GABRD: variants seen among roughly 807,000 people sequenced by gnomAD.
The protein encoded by GABRD is gamma-aminobutyric acid type A receptor subunit delta.
Under a neutral mutation model 47.3 loss-of-function variants are expected in GABRD, and 25 were observed. The ratio of observed to expected loss-of-function variants is 0.53; its 90% CI spans 0.39 to 0.74. The LOEUF is 0.74. Ranked by LOEUF, GABRD falls within the 30% of genes least tolerant of loss-of-function variation. GABRD has a pLI of 0.00. For missense variants in GABRD, 497 were observed against 643.4 expected (o/e 0.77, Z 2.46); for synonymous variants, 314 against 278.8 (o/e 1.13, Z -1.26).
chr1:2,025,497 G>T (rs1263687763), intron 3 of GABRD, 21 bp from the exon 4 acceptor site: 1 of 1,611,872 alleles, frequency 6.2e-7, no homozygotes, highest in African/African-American at 1.3e-5. Flanking sequence ...CTGACCCCCG[G>T]CCCCTGTGCC....
In GABRD at chr1:2,025,637, C is replaced by T; in HGVS notation, c.369C>T (p.Asp123=). The T allele has an allele frequency of 6.2e-7, 1 of 1,613,074 alleles. No homozygotes were observed. The highest frequency in any genetic ancestry group is 8.5e-7 in the Non-Finnish European group (1 of 1,180,024). Residue 123 remains aspartate, a synonymous_variant, in exon 4 of 9, where the codon GAC becomes GAT. Transcript: ENST00000378585. Reference sequence around the variant, plus strand: ...TCGTGGACAAGCTGTGGCTGCCCGACACCTTCATCGTGAACGCCAAGTCGG... The same window carrying T: ...TCGTGGACAAGCTGTGGCTGCCCGATACCTTCATCGTGAACGCCAAGTCGG... ...SRFVDKLWLP[D]TFIVNAKSAW...
rs749499871 is a variant in GABRD at position 2,027,622 on chromosome 1, C to A, written c.516C>A (p.Pro172=). ...VACDMDLAKY[P]MDEQECMLDL... is the part of the protein sequence containing the mutation. ...GCGACATGGACCTGGCCAAATACCC[C>A]ATGGACGAGCAGGAGTGCATGCTGG... The change falls in exon 5 of 9, where the codon CCC becomes CCA. Residue 172 remains proline, a synonymous_variant. Transcript: ENST00000378585. 1 of 1,613,912 alleles carries A rather than the reference C, an allele frequency of 6.2e-7. No homozygotes were observed.
intron 8 of GABRD, 98 bp from the exon 9 acceptor site, chr1:2,029,885 G>A (rs1659035531): frequency 6.6e-7 from 1 of 1,519,644 alleles, no homozygotes; most frequent in African/African-American, 1.4e-5. Flanking sequence ...GGAGCTGCTG[G>A]TCCAGGCGGG....
chr1:2,029,561 G>C lies in GABRD; in HGVS notation c.858G>C (p.Thr286=), dbSNP rs372178849. The change falls in exon 8 of 9, where the codon ACG becomes ACC. Residue 286 remains threonine (T), a synonymous_variant. Transcript: ENST00000378585. ...ACCTGTGCCCGGCAGGCATCACCAC[G>C]GTGCTGACGATGACCACGCTCATGG... is the stretch of plus-strand genomic sequence containing the variant. ...VPARVSLGIT[T]VLTMTTLMVS... The C allele has an allele frequency of 9.3e-6, 15 of 1,612,656 alleles. No homozygotes were observed. In the African/African-American group the frequency reaches 2.0e-4, roughly 22 times the overall value.
chr1:2,029,892 C>T (rs928172891), intron 8 of GABRD, 91 bp from the exon 9 acceptor site: 11 of 1,554,158 alleles, frequency 7.1e-6, no homozygotes, highest in Middle Eastern at 1.9e-4. Flanking sequence ...CTGGTCCAGG[C>T]GGGGCCCCCG....
At chr1:2,024,736 GAA>G in intron 1 of GABRD, 1 of 494,140 alleles carries the variant, frequency 2.0e-6, no homozygotes, top group Non-Finnish European at 3.6e-6. Flanking sequence ...AGGGCCAGTG[GAA>G]GAGGCTGAGG....
At position 2,028,377 on chromosome 1, in the gene GABRD, C is replaced by A; in HGVS notation, c.691+85C>A. 7.6e-7 allele frequency: 1 copy of A among 1,311,414 alleles called. No individual in the cohort carries two copies. The allele number at this position is 1,311,414 out of a possible 1,614,324, so 81.2% of individuals were successfully genotyped here. A position where few individuals can be genotyped will look rare whatever the true frequency, so the allele number is the denominator to read the frequency against. ...CGCCCCTTCCGCGCGCGCCCACCGC[C>A]CCTTCCGCGTGCGCCCGCCTGTGGT... On this transcript the variant is annotated intron_variant, in intron 6 of 8. Coordinates refer to ENST00000378585, the MANE Select transcript of GABRD (RefSeq NM_000815.5). This position sits in a 1 kb window ranked among gnomAD's most constrained non-coding sequence, Gnocchi z 6.4.
Position 2,024,958 on chromosome 1 carries a change from G to A in GABRD, c.85G>A (p.Gly29Ser), listed in dbSNP as rs775437460. ...CATCCCCAGAGCGATGAATGACATC[G>A]GCGACTACGTGGGCTCCAACCTGGA... The part of the protein sequence containing the change: ...LRGTRAMNDI[G>S]DYVGSNLEIS... The change falls in exon 2 of 9, where the codon GGC (glycine) becomes AGC (serine). Residue 29 changes from glycine (G) to serine (S), a missense_variant. Physicochemically the swap from Gly to Ser is moderately conservative, Grantham distance 56. Coordinates refer to ENST00000378585, the MANE Select transcript of GABRD (RefSeq NM_000815.5). 8.1e-6 allele frequency: 13 copies of A among 1,612,374 alleles called. No homozygotes were observed. Among genetic ancestry groups the A allele is most frequent in the East Asian group, 2.2e-5 (1 of 44,890 alleles).
At position 2,030,373 on chromosome 1, in the gene GABRD, C is replaced by A; in HGVS notation, c.*91C>A. On this transcript the variant is annotated 3_prime_UTR_variant, in exon 9 of 9. Transcript: ENST00000378585. Reference sequence around the variant, plus strand: ...GAGAAAGAGCCCTCGGGCTGCCTTCCCCTCTGCGTGTTTCGAAGTGGGATG... The same window carrying A: ...GAGAAAGAGCCCTCGGGCTGCCTTCACCTCTGCGTGTTTCGAAGTGGGATG... The A allele has an allele frequency of 8.4e-7, 1 of 1,191,990 alleles. No homozygotes were observed. The highest frequency in any genetic ancestry group is 1.1e-6 in the Non-Finnish European group (1 of 880,148). 73.8% of individuals were successfully genotyped at this position (1,191,990 alleles called of 1,614,324 possible).
chr1:2,029,803 G>T lies in GABRD; in HGVS notation c.1059+41G>T, dbSNP rs775080616. On this transcript the variant is annotated intron_variant, in intron 8 of 8. Transcript: ENST00000378585. ...CGAGCCAGGGACAGCACTGCTGGGG[G>T]CCCCAACCAGGACCCTTCAGCTGCC... The T allele has an allele frequency of 1.9e-6, 3 of 1,576,174 alleles. No individual in the cohort carries two copies. The Admixed American group carries it at 5.0e-5, about 26-fold the overall frequency.
At chr1:2,029,055 C>T (rs1659009725) in intron 6 of GABRD, 56 bp from the exon 7 acceptor site, 2 of 1,533,716 alleles carry the variant, frequency 1.3e-6, no homozygotes, top group Non-Finnish European at 1.7e-6. Flanking sequence ...CCCTGAGTCC[C>T]ATGGTTGGGC....
intron 4 of GABRD, chr1:2,027,086 C>T (rs1197604327): frequency 5.0e-5 from 11 of 220,174 alleles, no homozygotes; most frequent in Non-Finnish European, 1.0e-4. Context: ...ACCTCAAGCC[C>T]CGGGGGGTTG....
intron 1 of GABRD, among the ~76,000 whole-genome samples, chr1:2,021,599 C>G (rs964387713): frequency 5.3e-5 from 8 of 152,172 alleles, no homozygotes; most frequent in African/African-American, 1.9e-4. Flanking sequence ...TGGGTCGGCC[C>G]GGAGTGTGAA....
In GABRD at chr1:2,019,394, C is replaced by T. The variant is rs1465354573; in HGVS notation, c.-30C>T. 2 of 1,047,222 alleles carry T rather than the reference C, an allele frequency of 1.9e-6. No homozygotes were observed. Among genetic ancestry groups the T allele is most frequent in the Non-Finnish European group, 2.3e-6 (2 of 871,660 alleles). 64.9% of individuals were successfully genotyped at this position (1,047,222 alleles called of 1,614,324 possible). On this transcript the variant is annotated 5_prime_UTR_variant, in exon 1 of 9. Coordinates refer to ENST00000378585, the MANE Select transcript of GABRD (RefSeq NM_000815.5). ...GTGCGGCCGCCGGGAGCCAAGTTTG[C>T]GCGGACCCCGTCCCGAGCCCGCCGC...
chr1:2,029,842 G>C, intron 8 of GABRD, 80 bp downstream of exon 8: 1 of 1,514,648 alleles, frequency 6.6e-7, no homozygotes. Flanking sequence ...GCCCACTGTG[G>C]GTCCCAGCTG....
rs1277746264 is a variant in GABRD at position 2,025,655 on chromosome 1, C to A, written c.387C>A (p.Ala129=). 4 of 1,613,046 alleles carry A rather than the reference C, an allele frequency of 2.5e-6. No individual in the cohort carries two copies. Among genetic ancestry groups the A allele is most frequent in the Non-Finnish European group, 3.4e-6 (4 of 1,180,008 alleles). The change falls in exon 4 of 9, where the codon GCC becomes GCA. Residue 129 remains alanine, a synonymous_variant. Coordinates refer to ENST00000378585, the MANE Select transcript of GABRD (RefSeq NM_000815.5). ...TGCCCGACACCTTCATCGTGAACGC[C>A]AAGTCGGCCTGGTTCCACGACGTGA... is the stretch of plus-strand genomic sequence containing the variant. ...LWLPDTFIVN[A]KSAWFHDVTV...
chr1:2,020,869 T>C (rs1017478100), intron 1 of GABRD, among the ~76,000 whole-genome samples: 3 of 152,258 alleles, frequency 2.0e-5, no homozygotes, highest in African/African-American at 7.2e-5. Context: ...CTCATCTTTA[T>C]TAATCCTACT....
intron 1 of GABRD, among the ~76,000 whole-genome samples, chr1:2,021,357 A>G (rs1442092737): frequency 6.6e-6 from 1 of 151,982 alleles, no homozygotes; most frequent in East Asian, 1.9e-4. Context: ...CCTAGGGGCC[A>G]CCTTCAGACT....
Position 2,028,255 on chromosome 1 carries a change from C to T in GABRD, c.654C>T (p.Ser218=). The change falls in exon 6 of 9, where the codon AGC becomes AGT. Residue 218 remains serine, a synonymous_variant. Coordinates refer to ENST00000378585, the MANE Select transcript of GABRD (RefSeq NM_000815.5). The surrounding 1 kb of genome is among the most constrained non-coding windows in gnomAD (Gnocchi z 6.4). Reference sequence around the variant, plus strand: ...AGCTGGCGCAGTTCACCATCACCAGCTACCGCTTCACCACGGAGCTGATGA... The same window carrying T: ...AGCTGGCGCAGTTCACCATCACCAGTTACCGCTTCACCACGGAGCTGATGA... The part of the protein sequence containing the change: ...KLQLAQFTIT[S]YRFTTELMNF... 1 of 1,612,196 alleles carries T rather than the reference C, an allele frequency of 6.2e-7. No homozygotes were observed. Among genetic ancestry groups the T allele is most frequent in the South Asian group, 1.1e-5 (1 of 91,032 alleles).
Sources: gnomAD v4.1 joint callset for allele counts (sites outside exome capture counted in the v4.1 genomes callset) on GRCh38, gnomAD v4.1.1 for gene constraint, Gnocchi (gnomAD v3.1) non-coding constraint, MANE v1.5 for transcripts, NCBI Gene and HGNC (gene_info 2026-07-23, HGNC 2026-07-21) for gene names.